The following SBNO2 variants were observed in gnomAD, a reference collection of about 807,000 sequenced individuals.
SBNO2 encodes the protein protein strawberry notch homolog 2.
A neutral mutation model predicts 146.3 loss-of-function variants in SBNO2; 89 were observed. The ratio of observed to expected loss-of-function variants is 0.61; its 90% CI spans 0.51 to 0.73. The LOEUF is 0.73. Ranked by LOEUF, SBNO2 falls within the 30% of genes least tolerant of loss-of-function variation. SBNO2 has a pLI of 0.00. For synonymous variants in SBNO2, 1,147 were observed against 892.6 expected (o/e 1.29, Z -5.08); for missense variants, 2,092 against 2,003.7 (o/e 1.04, Z -0.84).
chr19:1,119,687 C>T, intron 12 of SBNO2, 66 bp from the exon 13 acceptor site: 1 of 1,400,362 alleles, frequency 7.1e-7, no homozygotes, highest in South Asian at 1.2e-5. Context: ...CAGGGGACGA[C>T]TAAGTTGGGA....
At chr19:1,162,961 G>C (rs1599881040) in intron 1 of SBNO2, among the ~76,000 whole-genome samples, 1 of 152,268 alleles carries the variant, frequency 6.6e-6, no homozygotes, top group South Asian at 2.1e-4. Context: ...CCCAGGGACA[G>C]CCTGTGCTGG....
chr19:1,134,497 C>T (rs1158950632), intron 4 of SBNO2, among the ~76,000 whole-genome samples: 5 of 144,350 alleles, frequency 3.5e-5, no homozygotes, highest in Admixed American at 6.7e-5. Flanking sequence ...AGCCACAGCA[C>T]GGATGCACCT....
chr19:1,135,232 G>T (rs1005685026), intron 4 of SBNO2, among the ~76,000 whole-genome samples: 5 of 151,754 alleles, frequency 3.3e-5, no homozygotes, highest in Non-Finnish European at 5.9e-5. Flanking sequence ...CATGGTGGCG[G>T]GCACCTGTGG....
At chr19:1,119,688 T>A in intron 12 of SBNO2, 67 bp from the exon 13 acceptor site, 1 of 1,390,256 alleles carries the variant, frequency 7.2e-7, no homozygotes, top group Non-Finnish European at 1.0e-6. Context: ...AGGGGACGAC[T>A]AAGTTGGGAC....
In SBNO2 at chr19:1,138,574, G is replaced by A. The variant is rs144388923; in HGVS notation, c.279+8735C>T. 3.2e-4 allele frequency among the ~76,000 whole-genome samples: 49 copies of A among 152,176 alleles called. No homozygotes were observed. In the East Asian group the frequency reaches 7.9e-3, roughly 25 times the overall value. ...CTGGGAAGTTTGCACCCGTGCTCAC[G>A]GCGGCACAACTCACGACGGCCACGG... On this transcript the variant is annotated intron_variant, in intron 4 of 31. Coordinates refer to ENST00000361757, the MANE Select transcript of SBNO2 (RefSeq NM_014963.3).
Position 1,158,377 on chromosome 19 carries a change from A to G in SBNO2, c.-126-3975T>C, listed in dbSNP as rs961853569. ...TGTGGACACGGAGGCCCCTAGGTGG[A>G]GCCTTGACGTGACCCCCAGAGCCAG... On this transcript the variant is annotated intron_variant, in intron 1 of 31. Coordinates refer to ENST00000361757, the MANE Select transcript of SBNO2 (RefSeq NM_014963.3). The surrounding 1 kb of genome is among the most constrained non-coding windows in gnomAD (Gnocchi z 9.9). 6.6e-6 allele frequency among the ~76,000 whole-genome samples: 1 copy of G among 151,986 alleles called. No individual in the cohort carries two copies. The highest frequency in any genetic ancestry group is 1.5e-5 in the Non-Finnish European group (1 of 67,994).
chr19:1,128,176 A>C (rs758224460), intron 4 of SBNO2: 1 of 483,512 alleles, frequency 2.1e-6, no homozygotes, highest in Non-Finnish European at 4.1e-6. Context: ...GGTGAGAAAC[A>C]CCAACCCTCA....
intron 6 of SBNO2, 89 bp from the exon 7 acceptor site, chr19:1,123,728 A>G: frequency 1.5e-6 from 2 of 1,335,646 alleles, no homozygotes; most frequent in South Asian, 2.6e-5. Flanking sequence ...CAGGCTGACC[A>G]TGGGCAGCTG....
At chr19:1,142,692 G>A (rs934735467) in intron 4 of SBNO2, among the ~76,000 whole-genome samples, 2 of 150,512 alleles carry the variant, frequency 1.3e-5, no homozygotes, top group African/African-American at 2.5e-5. Flanking sequence ...AAAACAATAG[G>A]CCAGGTGCGG....
chr19:1,131,930 C>T (rs988583469), intron 4 of SBNO2, among the ~76,000 whole-genome samples: 4 of 152,238 alleles, frequency 2.6e-5, no homozygotes, highest in African/African-American at 4.8e-5. Context: ...CCAGAAGAGA[C>T]GGACGGGGCG....
chr19:1,161,990 C>A (rs2080351866), intron 1 of SBNO2, among the ~76,000 whole-genome samples: 1 of 142,994 alleles, frequency 7.0e-6, no homozygotes, highest in Non-Finnish European at 1.5e-5. Context: ...GACAGACGGA[C>A]GTCCTGGCCC....
intron 4 of SBNO2, chr19:1,132,210 A>G: frequency 4.4e-6 from 6 of 1,354,040 alleles, no homozygotes; most frequent in Non-Finnish European, 5.7e-6. Context: ...CCGCGGCAGC[A>G]GCCCCAGCAT....
intron 4 of SBNO2, among the ~76,000 whole-genome samples, chr19:1,146,126 C>T (rs142181252): frequency 6.6e-6 from 1 of 152,308 alleles, no homozygotes; most frequent in East Asian, 1.9e-4. Flanking sequence ...TTCTGAGGAC[C>T]CTTGTGCTGG....
chr19:1,165,142 G>T (rs534853416), intron 1 of SBNO2, among the ~76,000 whole-genome samples: 108 of 152,140 alleles, frequency 7.1e-4, no homozygotes, highest in Non-Finnish European at 1.2e-3. Context: ...CCCCCGCCAT[G>T]CGAGGGAGGA....
At chr19:1,125,488 T>C (rs1470546534) in intron 5 of SBNO2, among the ~76,000 whole-genome samples, 1 of 150,714 alleles carries the variant, frequency 6.6e-6, no homozygotes, top group Non-Finnish European at 1.5e-5. Flanking sequence ...CTGACCAAAA[T>C]GGATAAACCC....
At chr19:1,129,938 A>G (rs2080009590) in intron 4 of SBNO2, among the ~76,000 whole-genome samples, 1 of 152,146 alleles carries the variant, frequency 6.6e-6, no homozygotes, top group South Asian at 2.1e-4. Flanking sequence ...CCAAGAAGAC[A>G]GGACAACAGG....
At position 1,107,988 on chromosome 19, in the gene SBNO2, C is replaced by T. The variant is rs910460252; in HGVS notation, c.*232G>A. On this transcript the variant is annotated 3_prime_UTR_variant, in exon 32 of 32. Transcript: ENST00000361757. ...AGCAGCCACCCGGAGCCCCTTCCTA[C>T]TTGGGAGGAGAGGCACAGAGAGGGC... 5.9e-6 allele frequency: 2 copies of T among 336,736 alleles called. No individual in the cohort carries two copies. Among genetic ancestry groups the T allele is most frequent in the African/African-American group, 2.2e-5 (1 of 45,062 alleles). The allele number at this position is 336,736 out of a possible 1,614,324, so 20.9% of individuals were successfully genotyped here.
In SBNO2 at chr19:1,116,051, G is replaced by C. The variant is rs771973175; in HGVS notation, c.1855C>G (p.Arg619Gly). Residue 619 changes from arginine (R) to glycine (G), a missense_variant, in exon 17 of 32, where the codon CGG (arginine) becomes GGG (glycine). By Grantham distance (125) the Arg-to-Gly change is moderately radical. Transcript: ENST00000361757. ...CGCTTGCTGCCCGCTCCTCTGTCCC[G>C]CTTTCTCTTGGTGGACGGAAAGTGC... ...QKHFPSTKRK[R>G]DRGAGSKRKR... 2.5e-6 allele frequency: 4 copies of C among 1,610,992 alleles called. No individual in the cohort carries two copies. In the Admixed American group the frequency reaches 6.7e-5, roughly 27 times the overall value.
intron 16 of SBNO2, among the ~76,000 whole-genome samples, chr19:1,116,342 T>C (rs761960102): frequency 6.9e-6 from 1 of 144,400 alleles, no homozygotes. Context: ...CTCTGAGGAA[T>C]GTGGCCGGAT....
Sources: gnomAD v4.1 joint callset for allele counts (sites outside exome capture counted in the v4.1 genomes callset) on GRCh38, gnomAD v4.1.1 for gene constraint, Gnocchi (gnomAD v3.1) non-coding constraint, MANE v1.5 for transcripts, NCBI Gene and HGNC (gene_info 2026-07-23, HGNC 2026-07-21) for gene names.